The following CCNB3 variants were observed in gnomAD, a reference collection of about 807,000 sequenced individuals.
CCNB3 encodes the protein cyclin B3.
In CCNB3, 12 loss-of-function variants were observed where a neutral mutation model predicts 68.0. The ratio of observed to expected loss-of-function variants is 0.18; its 90% CI spans 0.11 to 0.29. CCNB3 has a LOEUF of 0.29. Ranked by LOEUF, CCNB3 falls within the 10% of genes least tolerant of loss-of-function variation. CCNB3 has a pLI of 1.00. For synonymous variants in CCNB3, 354 were observed against 388.9 expected (o/e 0.91, Z 1.06); for missense variants, 904 against 993.1 (o/e 0.91, Z 1.21).
At chrX:50,214,108 A>T (rs1360616761) in intron 1 of CCNB3, among the ~76,000 whole-genome samples, 1 of 110,501 alleles carries the variant, frequency 9.0e-6, no homozygotes. Flanking sequence ...GAAGTGCCCA[A>T]TGCTGTTAAC....
rs1557214129 is a variant in CCNB3, at chrX:50,309,275, T to C, written c.1106T>C (p.Phe369Ser). The C allele has an allele frequency of 3.3e-6, 4 of 1,209,743 alleles. No individual in the cohort carries two copies. In the African/African-American group the frequency reaches 5.3e-5, roughly 16 times the overall value. The change falls in exon 6 of 13, where the codon TTT becomes TCT. Residue 369 changes from phenylalanine to serine, a missense_variant. Physicochemically the swap from Phe to Ser is radical, Grantham distance 155. Transcript: ENST00000376042. ...TCCCTTGTTAAGGAGTCGTTAGCCT[T>C]TAAGAAGAAGCCTAGCACTGAGGAG... ...EDSLVKESLAFKKKPSTEEAI... is the reference protein window; with the variant it reads ...EDSLVKESLASKKKPSTEEAI...
intron 8 of CCNB3, among the ~76,000 whole-genome samples, chrX:50,334,225 G>A (rs1265381931): frequency 8.9e-6 from 1 of 112,205 alleles, no homozygotes; most frequent in African/African-American, 3.2e-5. Flanking sequence ...TGATGCCCAT[G>A]GCTGGTCCCA....
At chrX:50,209,350 TTTTGTTTGTTTG>T (rs782210162) in intron 1 of CCNB3, among the ~76,000 whole-genome samples, 1 of 110,607 alleles carries the variant, frequency 9.0e-6, no homozygotes, top group Non-Finnish European at 1.9e-5. Context: ...CTGGATTGTT[TTTTGTTTGTTTG>T]TTTGTTTGTT....
intron 8 of CCNB3, among the ~76,000 whole-genome samples, chrX:50,322,043 T>C (rs1334029671): frequency 9.8e-6 from 1 of 102,315 alleles, no homozygotes; most frequent in African/African-American, 3.7e-5. Context: ...TATTGCTAGT[T>C]TTTTTTTTTT....
chrX:50,320,022 T>A (rs1353330955), intron 8 of CCNB3, among the ~76,000 whole-genome samples: 2 of 111,364 alleles, frequency 1.8e-5, no homozygotes, highest in Non-Finnish European at 3.8e-5. Context: ...TAATATTTTG[T>A]TGAGGATTTT....
chrX:50,214,246 A>G (rs1487355747), intron 1 of CCNB3, among the ~76,000 whole-genome samples: 5 of 107,530 alleles, frequency 4.6e-5, no homozygotes, highest in African/African-American at 1.7e-4. Flanking sequence ...TAATCTTTTC[A>G]AAGAACCAGA....
intron 4 of CCNB3, among the ~76,000 whole-genome samples, chrX:50,291,586 A>G (rs1184273279): frequency 1.8e-5 from 2 of 111,704 alleles, no homozygotes; most frequent in South Asian, 3.8e-4. Context: ...TTCCTATTTT[A>G]TGGTGAAAGA....
At chrX:50,332,483 A>G (rs1557218208) in intron 8 of CCNB3, among the ~76,000 whole-genome samples, 1 of 111,725 alleles carries the variant, frequency 9.0e-6, no homozygotes, top group Non-Finnish European at 1.9e-5. Context: ...TTTTTACTAT[A>G]CAAGTCCAAA....
intron 1 of CCNB3, among the ~76,000 whole-genome samples, chrX:50,214,744 G>A (rs1268712603): frequency 9.7e-6 from 1 of 102,963 alleles, no homozygotes; most frequent in Non-Finnish European, 2.0e-5. Flanking sequence ...TTTAAATAGA[G>A]ACAGAATGTC....
intron 9 of CCNB3, among the ~76,000 whole-genome samples, chrX:50,344,724 G>A (rs1040047003): frequency 9.0e-6 from 1 of 111,721 alleles, no homozygotes; most frequent in Non-Finnish European, 1.9e-5. Context: ...ATGGCGTGAT[G>A]TTGATGGCAG....
chrX:50,333,554 GTGACTCT>G (rs1922707689), intron 8 of CCNB3, among the ~76,000 whole-genome samples: 1 of 111,401 alleles, frequency 9.0e-6, no homozygotes, highest in Non-Finnish European at 1.9e-5. Flanking sequence ...AATTTTTCAA[GTGACTCT>G]TGACCTGGAT....
intron 1 of CCNB3, among the ~76,000 whole-genome samples, chrX:50,228,635 A>C (rs1269745011): frequency 0.01 from 867 of 83,613 alleles, 11 homozygotes; most frequent in African/African-American, 0.037. Flanking sequence ...TAGAATATAC[A>C]TATAGAATAT....
rs898411972 is a variant in CCNB3 at position 50,221,646 on chromosome X, G to A, written c.-113+16696G>A. Among the ~76,000 whole-genome samples, 260 of 110,871 alleles carry A rather than the reference G, an allele frequency of 2.3e-3. 2 individuals carry two copies. The highest frequency in any genetic ancestry group is 4.3e-3 in the Non-Finnish European group (228 of 52,672). On this transcript the variant is annotated intron_variant, in intron 1 of 12. Transcript: ENST00000376042. ...GCACTGTGGTCTGACGGACTGTTATGATTTCCGTTCTTTTGCATTTGCTGA... is the reference window on the plus strand; with the variant it reads ...GCACTGTGGTCTGACGGACTGTTATAATTTCCGTTCTTTTGCATTTGCTGA...
chrX:50,331,001 G>A (rs1922566126), intron 8 of CCNB3, among the ~76,000 whole-genome samples: 1 of 111,730 alleles, frequency 9.0e-6, no homozygotes, highest in Non-Finnish European at 1.9e-5. Flanking sequence ...ATATGATTTG[G>A]TTGAACATGT....
chrX:50,214,723 A>C (rs1935541844), intron 1 of CCNB3, among the ~76,000 whole-genome samples: 1 of 102,515 alleles, frequency 9.8e-6, no homozygotes, highest in Non-Finnish European at 2.0e-5. Flanking sequence ...TTTAAAAATG[A>C]ATATATCTAT....
intron 8 of CCNB3, among the ~76,000 whole-genome samples, chrX:50,321,404 A>C (rs1308393282): frequency 2.7e-5 from 3 of 111,933 alleles, no homozygotes; most frequent in Non-Finnish European, 5.7e-5. Flanking sequence ...AACTATTTCT[A>C]CAAAATTTTT....
intron 1 of CCNB3, among the ~76,000 whole-genome samples, chrX:50,226,350 T>G (rs1225763772): frequency 2.1e-5 from 1 of 48,600 alleles, no homozygotes; most frequent in Non-Finnish European, 3.4e-5. Flanking sequence ...AGAATATATA[T>G]AAAAATATGT....
chrX:50,309,714 A>G lies in CCNB3; in HGVS notation c.1545A>G (p.Gly515=). The G allele has an allele frequency of 8.3e-7, 1 of 1,210,182 alleles. No homozygotes were observed. The highest frequency in any genetic ancestry group is 1.1e-6 in the Non-Finnish European group (1 of 894,853). ...CACTAATATTACAGACCACCTCTGG[A>G]GAAAAGTCACTTATTAAGGAGCCAC... The part of the protein sequence containing the change: ...KKPLILQTTS[G]EKSLIKEPLP... The change falls in exon 6 of 13, where the codon GGA becomes GGG. Residue 515 remains glycine (G), a synonymous_variant. Coordinates refer to ENST00000376042, the MANE Select transcript of CCNB3 (RefSeq NM_033031.3).
At chrX:50,227,423 AAATATATACAGAG>A (rs1332651294) in intron 1 of CCNB3, among the ~76,000 whole-genome samples, 1 of 88,630 alleles carries the variant, frequency 1.1e-5, no homozygotes, top group Non-Finnish European at 2.1e-5. Context: ...GAATATTTAT[AAATATATACAGAG>A]AATATATACA....
Sources: gnomAD v4.1 joint callset for allele counts (sites outside exome capture counted in the v4.1 genomes callset) on GRCh38, gnomAD v4.1.1 for gene constraint, MANE v1.5 for transcripts, NCBI Gene and HGNC (gene_info 2026-07-23, HGNC 2026-07-21) for gene names.